NUP93: variants seen among roughly 807,000 people sequenced by gnomAD.
NUP93 encodes the protein nuclear pore complex protein Nup93.
NUP93 carries 55 observed loss-of-function variants against 107.8 expected under a neutral mutation model. The ratio of observed to expected loss-of-function variants is 0.51; its 90% CI spans 0.41 to 0.64. The LOEUF is 0.64. NUP93 is among the 30% of genes least tolerant of loss of function. The pLI is 0.00. For synonymous variants in NUP93, 390 were observed against 397.5 expected (o/e 0.98, Z 0.22); for missense variants, 937 against 1,044.7 (o/e 0.90, Z 1.42).
chr16:56,801,221 C>T (rs1244572212), intron 4 of NUP93, among the ~76,000 whole-genome samples: 1 of 152,110 alleles, frequency 6.6e-6, no homozygotes, highest in Non-Finnish European at 1.5e-5. Flanking sequence ...CTCATTAGTT[C>T]CTCTAGTTAG....
intron 3 of NUP93, among the ~76,000 whole-genome samples, chr16:56,760,922 G>A (rs552725213): frequency 6.6e-6 from 1 of 151,972 alleles, no homozygotes; most frequent in African/African-American, 2.4e-5. Context: ...GTGCACCACT[G>A]TACTCAAGTC....
intron 3 of NUP93, among the ~76,000 whole-genome samples, chr16:56,794,612 G>C (rs962992230): frequency 3.5e-5 from 5 of 143,742 alleles, no homozygotes; most frequent in African/African-American, 1.3e-4. Context: ...GAGAGAGAGA[G>C]ATGTGAACAT....
At chr16:56,763,167 C>T (rs1962155838) in intron 3 of NUP93, among the ~76,000 whole-genome samples, 1 of 152,192 alleles carries the variant, frequency 6.6e-6, no homozygotes, top group Non-Finnish European at 1.5e-5. Context: ...ATTTCATATC[C>T]ATGGGCAGTA....
intron 2 of NUP93, among the ~76,000 whole-genome samples, chr16:56,754,120 G>A (rs1961974065): frequency 6.6e-6 from 1 of 152,124 alleles, no homozygotes; most frequent in Admixed American, 6.5e-5. Context: ...TGATGGAGCA[G>A]GATAGAGGGT....
chr16:56,788,082 G>A (rs561460910), intron 3 of NUP93, among the ~76,000 whole-genome samples: 55 of 152,198 alleles, frequency 3.6e-4, no homozygotes, highest in African/African-American at 1.3e-3. Flanking sequence ...GAGTGATTGC[G>A]GGAAGGGGAT....
At chr16:56,833,467 G>GGTGGC in intron 13 of NUP93, 61 bp downstream of exon 13, 1 of 1,369,460 alleles carries the variant, frequency 7.3e-7, no homozygotes, top group Non-Finnish European at 9.6e-7. Context: ...TTGGGGCGAC[G>GGTGGC]GTGGCCACAA....
At chr16:56,772,550 C>G (rs1304980564) in intron 3 of NUP93, among the ~76,000 whole-genome samples, 1 of 152,196 alleles carries the variant, frequency 6.6e-6, no homozygotes, top group Non-Finnish European at 1.5e-5. Context: ...TACCTGTTTT[C>G]TATGGAATGA....
At chr16:56,789,969 C>T (rs1054872288) in intron 3 of NUP93, among the ~76,000 whole-genome samples, 23 of 152,104 alleles carry the variant, frequency 1.5e-4, no homozygotes, top group Admixed American at 1.1e-3. Flanking sequence ...TGGTGGCGTG[C>T]GCCTGTAATC....
At chr16:56,796,152 C>A (rs1418076577) in intron 3 of NUP93, among the ~76,000 whole-genome samples, 1 of 152,184 alleles carries the variant, frequency 6.6e-6, no homozygotes, top group Middle Eastern at 3.2e-3. Context: ...CTGCCTCCCC[C>A]ACCTTCTTAA....
chr16:56,825,139 G>A (rs1175151849), intron 8 of NUP93, among the ~76,000 whole-genome samples: 1 of 148,856 alleles, frequency 6.7e-6, no homozygotes, highest in Non-Finnish European at 1.5e-5. Context: ...TCGCTGCAAC[G>A]TCTGCCTCCC....
At chr16:56,843,055 A>G (rs977376800) in intron 21 of NUP93, among the ~76,000 whole-genome samples, 20 of 152,282 alleles carry the variant, frequency 1.3e-4, no homozygotes, top group Non-Finnish European at 2.2e-4. Flanking sequence ...GTGCTTAGTG[A>G]AAGATGGCGG....
rs1002775894 is a variant in NUP93 at position 56,848,923 on chromosome 16, C to T, written c.*4314C>T. On this transcript the variant is annotated 3_prime_UTR_variant, in exon 22 of 22. Transcript: ENST00000308159. ...TGTCCAGGATCACCTAAGTGAAGTACTCGTGGTTCTAAGTTGCTAACCCAG... is the reference window on the plus strand; with the variant it reads ...TGTCCAGGATCACCTAAGTGAAGTATTCGTGGTTCTAAGTTGCTAACCCAG... 2.0e-5 allele frequency: 3 copies of T among 151,984 alleles called. No individual in the cohort carries two copies. The highest frequency in any genetic ancestry group is 2.1e-4 in the South Asian group (1 of 4,824). 9.4% of individuals were successfully genotyped at this position (151,984 alleles called of 1,614,324 possible). A position where few individuals can be genotyped will look rare whatever the true frequency, so the allele number is the denominator to read the frequency against.
intron 5 of NUP93, among the ~76,000 whole-genome samples, chr16:56,808,674 A>C (rs1261133662): frequency 7.2e-6 from 1 of 137,974 alleles, no homozygotes; most frequent in African/African-American, 2.6e-5. Context: ...TTATAAATAT[A>C]TAAAATACAT....
At chr16:56,747,584 T>C (rs996323314) in intron 1 of NUP93, among the ~76,000 whole-genome samples, 9 of 152,052 alleles carry the variant, frequency 5.9e-5, no homozygotes, top group African/African-American at 2.2e-4. Context: ...TCTTCTATGT[T>C]AGTGAAGGAG....
intron 5 of NUP93, 124 bp downstream of exon 5, chr16:56,805,756 T>C: frequency 9.1e-7 from 1 of 1,094,620 alleles, no homozygotes; most frequent in South Asian, 1.5e-5. Context: ...CTTTCTTCAC[T>C]TAGCTTTTAG....
chr16:56,784,180 A>T (rs1277518559), intron 3 of NUP93, among the ~76,000 whole-genome samples: 2 of 152,228 alleles, frequency 1.3e-5, no homozygotes, highest in African/African-American at 4.8e-5. Context: ...AGAAATCTGA[A>T]TATAGTAAAT....
chr16:56,767,120 G>A (rs1962229463), intron 3 of NUP93, among the ~76,000 whole-genome samples: 1 of 152,238 alleles, frequency 6.6e-6, no homozygotes, highest in Admixed American at 6.5e-5. Flanking sequence ...GATTCTGACA[G>A]CTGCTGGTCT....
At chr16:56,753,492 G>GGATCAACAGCATCAGCATCA (rs1902590589) in intron 2 of NUP93, among the ~76,000 whole-genome samples, 3 of 152,182 alleles carry the variant, frequency 2.0e-5, no homozygotes, top group African/African-American at 4.8e-5. Flanking sequence ...TGTAGTCAAT[G>GGATCAACAGCATCAGCATCA]GATCAACAGC....
intron 3 of NUP93, among the ~76,000 whole-genome samples, chr16:56,790,574 A>G (rs1332860856): frequency 1.3e-5 from 2 of 152,178 alleles, no homozygotes; most frequent in African/African-American, 4.8e-5. Context: ...CATTTTCTCC[A>G]TAAGTAGTTT....
Sources: gnomAD v4.1 joint callset for allele counts (sites outside exome capture counted in the v4.1 genomes callset) on GRCh38, gnomAD v4.1.1 for gene constraint, MANE v1.5 for transcripts, NCBI Gene and HGNC (gene_info 2026-07-23, HGNC 2026-07-21) for gene names.